Variants in ATP8A2 observed in about 807,000 individuals in gnomAD.
The protein encoded by ATP8A2 is phospholipid-transporting ATPase IB.
A neutral mutation model predicts 165.6 loss-of-function variants in ATP8A2; 100 were observed. That is an observed-to-expected ratio of 0.60 (90% CI 0.51 to 0.71). The LOEUF (loss-of-function observed/expected upper bound fraction) is 0.71. Among genes scored for constraint, ATP8A2 ranks in the 30% least tolerant of loss-of-function variants. The probability of loss-of-function intolerance (pLI) is 0.00; values close to 1 mark genes in which losing one functional copy is unlikely to be tolerated. For synonymous variants in ATP8A2, 543 were observed against 548.8 expected (o/e 0.99, Z 0.15); for missense variants, 1,227 against 1,479.5 (o/e 0.83, Z 2.80).
chr13:25,961,542 T>C, intron 33 of ATP8A2, 33 bp from the exon 34 acceptor site: 2 of 1,492,040 alleles, frequency 1.3e-6, no homozygotes, highest in Non-Finnish European at 1.9e-6. Flanking sequence ...AAAGAGAAAG[T>C]ATTCAAGCAA....
rs144535099 is a variant in ATP8A2 at position 25,428,470 on chromosome 13, A to G, written c.77-40507A>G. On this transcript the variant is annotated intron_variant, in intron 1 of 36. Transcript: ENST00000381655. ...GAGATCTTAGTCTATTGTGGGAAAC[A>G]GACTTATGAACACATGAATGGCACT... 5.8e-4 allele frequency among the ~76,000 whole-genome samples: 89 copies of G among 152,344 alleles called. 1 individual carries two copies. Among genetic ancestry groups the G allele is most frequent in the African/African-American group, 2.1e-3 (88 of 41,592 alleles).
intron 1 of ATP8A2, among the ~76,000 whole-genome samples, chr13:25,430,006 A>G (rs1167627786): frequency 1.3e-5 from 2 of 152,204 alleles, no homozygotes; most frequent in African/African-American, 4.8e-5. Flanking sequence ...GGAGCCAGCA[A>G]TCACAGAGGG....
At chr13:25,762,625 G>T (rs1342365710) in intron 25 of ATP8A2, among the ~76,000 whole-genome samples, 1 of 152,070 alleles carries the variant, frequency 6.6e-6, no homozygotes, top group African/African-American at 2.4e-5. Context: ...CTTAATTATG[G>T]GTGGAGATGT....
chr13:25,755,519 C>T (rs2044241938), intron 25 of ATP8A2, among the ~76,000 whole-genome samples: 1 of 152,172 alleles, frequency 6.6e-6, no homozygotes, highest in African/African-American at 2.4e-5. Context: ...TAATCTTTTC[C>T]CTGTAGGAAC....
intron 24 of ATP8A2, among the ~76,000 whole-genome samples, chr13:25,696,991 A>C (rs993735688): frequency 6.6e-6 from 1 of 152,218 alleles, no homozygotes; most frequent in African/African-American, 2.4e-5. Flanking sequence ...CATGAGAAAG[A>C]AGTTTAAAAT....
At chr13:25,402,965 C>T (rs1156305706) in intron 1 of ATP8A2, among the ~76,000 whole-genome samples, 4 of 152,140 alleles carry the variant, frequency 2.6e-5, no homozygotes, top group African/African-American at 7.2e-5. Context: ...CATGTCATCA[C>T]ATGCAAGAGA....
chr13:25,823,568 T>A (rs1388227177), intron 27 of ATP8A2, among the ~76,000 whole-genome samples: 1 of 152,182 alleles, frequency 6.6e-6, no homozygotes. Context: ...CTTGTAAACA[T>A]CTTTTACTCT....
At chr13:25,638,097 C>T (rs537070977) in intron 24 of ATP8A2, among the ~76,000 whole-genome samples, 1 of 152,260 alleles carries the variant, frequency 6.6e-6, no homozygotes, top group Admixed American at 6.5e-5. Flanking sequence ...CACACCAAAA[C>T]CCCATCTGTA....
intron 24 of ATP8A2, among the ~76,000 whole-genome samples, chr13:25,666,015 A>C (rs2042146141): frequency 6.6e-6 from 1 of 151,454 alleles, no homozygotes. Flanking sequence ...TGGCCAATGG[A>C]AAGAACATCA....
At chr13:25,767,773 T>C (rs1467776829) in intron 25 of ATP8A2, among the ~76,000 whole-genome samples, 1 of 152,208 alleles carries the variant, frequency 6.6e-6, no homozygotes, top group African/African-American at 2.4e-5. Context: ...AACTTTCTAA[T>C]TTTTATCTTT....
intron 24 of ATP8A2, among the ~76,000 whole-genome samples, chr13:25,663,452 A>G (rs1227936543): frequency 6.6e-6 from 1 of 152,174 alleles, no homozygotes; most frequent in Admixed American, 6.5e-5. Context: ...CTAGAGTACA[A>G]ATGTCTCAAT....
At chr13:25,571,803 A>G (rs745522601) in intron 18 of ATP8A2, 111 bp downstream of exon 18, 5 of 961,780 alleles carry the variant, frequency 5.2e-6, no homozygotes, top group Non-Finnish European at 8.4e-6. Context: ...TTCAGTGAAA[A>G]ATTAAGACCT....
At chr13:25,621,392 TTTTG>T (rs1383931104) in intron 24 of ATP8A2, among the ~76,000 whole-genome samples, 5 of 152,126 alleles carry the variant, frequency 3.3e-5, no homozygotes, top group African/African-American at 1.2e-4. Context: ...ATTTTTCTCT[TTTTG>T]TTTTTCTCAA....
intron 25 of ATP8A2, among the ~76,000 whole-genome samples, chr13:25,729,382 G>A (rs528733911): frequency 6.6e-6 from 1 of 152,324 alleles, no homozygotes; most frequent in African/African-American, 2.4e-5. Context: ...CTGAGGCATG[G>A]CCAGGCCAGG....
chr13:25,634,776 A>G (rs1223810948), intron 24 of ATP8A2, among the ~76,000 whole-genome samples: 1 of 152,116 alleles, frequency 6.6e-6, no homozygotes, highest in African/African-American at 2.4e-5. Flanking sequence ...AATCTGTTCA[A>G]GTTTATTCAG....
chr13:25,756,541 A>G lies in ATP8A2; in HGVS notation c.2385-12505A>G, dbSNP rs115238234. On this transcript the variant is annotated intron_variant, in intron 25 of 36. Transcript: ENST00000381655. ...AAGAAATCAAAGAATGTAACAGAGT[A>G]GGTGAGGGTGTGGAGCCTGGAGCAA... Among the ~76,000 whole-genome samples, 1,447 of 152,252 alleles carry G rather than the reference A, an allele frequency of 9.5e-3. 28 individuals are homozygous for G. Among genetic ancestry groups the G allele is most frequent in the African/African-American group, 0.033 (1,376 of 41,552 alleles).
At chr13:26,016,650 C>A (rs1166303934) in intron 36 of ATP8A2, among the ~76,000 whole-genome samples, 1 of 152,158 alleles carries the variant, frequency 6.6e-6, no homozygotes, top group Non-Finnish European at 1.5e-5. Flanking sequence ...TCCATGAGTT[C>A]CCCCCAACCA....
At chr13:25,670,169 A>T (rs1283557692) in intron 24 of ATP8A2, among the ~76,000 whole-genome samples, 1 of 152,192 alleles carries the variant, frequency 6.6e-6, no homozygotes, top group East Asian at 1.9e-4. Flanking sequence ...AGTATTTGTT[A>T]GCTTACTTAT....
At chr13:25,492,771 C>A (rs1056484375) in intron 2 of ATP8A2, among the ~76,000 whole-genome samples, 3 of 152,150 alleles carry the variant, frequency 2.0e-5, no homozygotes, top group Non-Finnish European at 4.4e-5. Flanking sequence ...GAAAGTGTTT[C>A]CATTACCTGT....
Sources: gnomAD v4.1 joint callset for allele counts (sites outside exome capture counted in the v4.1 genomes callset) on GRCh38, gnomAD v4.1.1 for gene constraint, MANE v1.5 for transcripts, NCBI Gene and HGNC (gene_info 2026-07-23, HGNC 2026-07-21) for gene names.